The following FUT8 variants were observed in gnomAD, a reference collection of about 807,000 sequenced individuals.
FUT8 encodes alpha-(1,6)-fucosyltransferase.
Under a neutral mutation model 71.3 loss-of-function variants are expected in FUT8, and 29 were observed. The ratio of observed to expected loss-of-function variants is 0.41; its 90% confidence interval spans 0.30 to 0.55. The LOEUF (loss-of-function observed/expected upper bound fraction) is 0.55. Among genes scored for constraint, FUT8 ranks in the 20% least tolerant of loss-of-function variants. The pLI is 0.34. For synonymous variants in FUT8, 254 were observed against 239.3 expected, an observed-to-expected ratio of 1.06 and a Z score of -0.57; for missense variants, 544 against 702.1, an observed-to-expected ratio of 0.77 and a Z score of 2.55.
intron 6 of FUT8, among the ~76,000 whole-genome samples, chr14:65,654,037 T>C (rs1891539574): frequency 6.6e-6 from 1 of 152,152 alleles, no homozygotes; most frequent in Non-Finnish European, 1.5e-5. Context: ...AAAGTACAAA[T>C]TAATAGGTAT....
chr14:65,388,675 T>G, the FUT8 span, among the ~76,000 whole-genome samples: 1 of 151,982 alleles, frequency 6.6e-6, no homozygotes, highest in Non-Finnish European at 1.5e-5. Context: ...GGCAGGAGAA[T>G]TGCTTGAACC....
At chr14:65,494,385 C>G (rs551544218) in intron 2 of FUT8, among the ~76,000 whole-genome samples, 37 of 152,164 alleles carry the variant, frequency 2.4e-4, no homozygotes, top group African/African-American at 7.9e-4. Context: ...GAATACCTTA[C>G]CAGACAGTGC....
In FUT8 at chr14:65,467,321, G is replaced by A. The variant is rs914859966; in HGVS notation, c.-228+11603G>A. Reference sequence around the variant, plus strand: ...TTATTTTATTTTATTTTTTTGAGATGGAGTCTCATTCTGTTACTCAGGCTG... The same window carrying A: ...TTATTTTATTTTATTTTTTTGAGATAGAGTCTCATTCTGTTACTCAGGCTG... On this transcript the variant is annotated intron_variant, in intron 2 of 10. Coordinates refer to ENST00000673929, the MANE Select transcript of FUT8 (RefSeq NM_001371533.1). This position sits in a 1 kb window ranked among gnomAD's most constrained non-coding sequence, Gnocchi z 4.1. 8.6e-5 allele frequency among the ~76,000 whole-genome samples: 13 copies of A among 151,596 alleles called. No individual in the cohort carries two copies. The highest frequency in any genetic ancestry group is 8.8e-5 in the Non-Finnish European group (6 of 67,922).
intron 2 of FUT8, among the ~76,000 whole-genome samples, chr14:65,499,085 T>G (rs2066604948): frequency 6.6e-6 from 1 of 152,120 alleles, no homozygotes; most frequent in Non-Finnish European, 1.5e-5. Flanking sequence ...TTACCAAAAA[T>G]TTTTCTTCAA....
At chr14:65,470,848 T>G (rs1411810491) in intron 2 of FUT8, among the ~76,000 whole-genome samples, 1 of 151,744 alleles carries the variant, frequency 6.6e-6, no homozygotes, top group South Asian at 2.1e-4. Context: ...ATCGGTCTGC[T>G]CTCTGCTTGA....
chr14:65,622,296 A>G (rs1022198880), intron 5 of FUT8, among the ~76,000 whole-genome samples: 25 of 150,618 alleles, frequency 1.7e-4, no homozygotes, highest in Non-Finnish European at 3.0e-4. Context: ...CCTATAGCAC[A>G]GCATTGTGAT....
intron 5 of FUT8, among the ~76,000 whole-genome samples, chr14:65,622,298 C>T (rs1485230827): frequency 1.3e-5 from 2 of 151,284 alleles, no homozygotes; most frequent in African/African-American, 4.9e-5. Context: ...TATAGCACAG[C>T]ATTGTGATGA....
At position 65,602,355 on chromosome 14, in the gene FUT8, A is replaced by T. The variant is rs1484766480; in HGVS notation, c.204-13623A>T. ...AGCGTTCCATCTCTCACACACACAC[A>T]CACACACACACACACACACACACAC... On this transcript the variant is annotated intron_variant, in intron 3 of 10. Transcript: ENST00000673929. 1.8e-3 allele frequency among the ~76,000 whole-genome samples: 83 copies of T among 47,336 alleles called. 5 individuals carry two copies. Among genetic ancestry groups the T allele is most frequent in the South Asian group, 4.4e-3 (6 of 1,370 alleles). The allele number at this position is 47,336 out of a possible 152,430, so 31.1% of individuals were successfully genotyped here.
chr14:65,512,340 A>G (rs1024072367), intron 2 of FUT8, among the ~76,000 whole-genome samples: 2 of 151,970 alleles, frequency 1.3e-5, no homozygotes, highest in African/African-American at 2.4e-5. Flanking sequence ...TAAGTTTTGT[A>G]ATTTTAGTAG....
At chr14:65,455,420 G>T (rs980034528) in intron 1 of FUT8, among the ~76,000 whole-genome samples, 1 of 152,160 alleles carries the variant, frequency 6.6e-6, no homozygotes, top group Non-Finnish European at 1.5e-5. Context: ...TACTGAGTTT[G>T]GGTATAATTT....
chr14:65,428,470 G>T (rs1362515210), intron 1 of FUT8, among the ~76,000 whole-genome samples: 1 of 152,134 alleles, frequency 6.6e-6, no homozygotes, highest in African/African-American at 2.4e-5. Flanking sequence ...ACCAAACCTT[G>T]ATCTTGCACT....
chr14:65,422,148 C>T (rs904211076), intron 1 of FUT8, among the ~76,000 whole-genome samples: 2 of 152,150 alleles, frequency 1.3e-5, no homozygotes, highest in African/African-American at 4.8e-5. Flanking sequence ...AATAAAAGAA[C>T]TTACAGGCAA....
chr14:65,390,870 C>T, the FUT8 span, among the ~76,000 whole-genome samples: 5 of 151,682 alleles, frequency 3.3e-5, no homozygotes, highest in Non-Finnish European at 5.9e-5. Context: ...ACTACAGGCA[C>T]ACGCCACATT....
chr14:65,421,255 G>A (rs2065290287), intron 1 of FUT8, among the ~76,000 whole-genome samples: 1 of 151,696 alleles, frequency 6.6e-6, no homozygotes, highest in Admixed American at 6.6e-5. Context: ...TTCATTAAGT[G>A]GAAGTGGATC....
chr14:65,693,845 T>C (rs1893843608), intron 7 of FUT8, among the ~76,000 whole-genome samples: 1 of 152,228 alleles, frequency 6.6e-6, no homozygotes, highest in Non-Finnish European at 1.5e-5. Flanking sequence ...TGGAAAATTA[T>C]TGTTTATTCT....
chr14:65,740,209 C>T (rs188428237), intron 10 of FUT8, among the ~76,000 whole-genome samples: 94 of 152,120 alleles, frequency 6.2e-4, no homozygotes, highest in African/African-American at 2.1e-3. Context: ...ACTAATAAAT[C>T]TGAAAGCAAG....
intron 10 of FUT8, among the ~76,000 whole-genome samples, chr14:65,739,443 A>G (rs1896382350): frequency 6.6e-6 from 1 of 152,104 alleles, no homozygotes; most frequent in South Asian, 2.1e-4. Context: ...ATAGCAAAAC[A>G]TACACTAATT....
intron 3 of FUT8, among the ~76,000 whole-genome samples, chr14:65,604,014 C>T (rs61987993): frequency 7.3e-5 from 11 of 150,296 alleles, no homozygotes; most frequent in African/African-American, 2.4e-4. Flanking sequence ...AGGCCTTGTC[C>T]AACAAGGCCT....
At chr14:65,674,971 T>C (rs1892644363) in intron 7 of FUT8, among the ~76,000 whole-genome samples, 1 of 152,244 alleles carries the variant, frequency 6.6e-6, no homozygotes, top group African/African-American at 2.4e-5. Context: ...TTGATTCAAC[T>C]GCTATAAAAC....
Sources: allele counts gnomAD v4.1 joint callset (sites outside exome capture counted in the v4.1 genomes callset), GRCh38; gene constraint gnomAD v4.1.1; non-coding constraint Gnocchi (gnomAD v3.1); transcripts MANE v1.5; gene names NCBI Gene and HGNC (gene_info 2026-07-23, HGNC 2026-07-21).